PDZD2: variants seen among roughly 807,000 people sequenced by gnomAD.
PDZD2 encodes the protein PDZ domain containing 2.
A neutral mutation model predicts 220.7 loss-of-function variants in PDZD2; 90 were observed. That is an observed-to-expected ratio of 0.41 (90% confidence interval 0.34 to 0.49). The LOEUF (loss-of-function observed/expected upper bound fraction) is 0.49, where lower values mean the gene tolerates loss of function less well. Among genes scored for constraint, PDZD2 ranks in the 20% least tolerant of loss-of-function variants. The pLI is 0.28. For synonymous variants in PDZD2, 1,375 were observed against 1,450.5 expected, an observed-to-expected ratio of 0.95 and a Z score of 1.18; for missense variants, 3,174 against 3,608.5, an observed-to-expected ratio of 0.88 and a Z score of 3.08.
At chr5:31,846,232 C>T (rs1757581089) in intron 2 of PDZD2, among the ~76,000 whole-genome samples, 1 of 152,220 alleles carries the variant, frequency 6.6e-6, no homozygotes, top group Non-Finnish European at 1.5e-5. Context: ...ATCCCGGGTT[C>T]AAGTGATTCT....
At chr5:32,104,109 T>C (rs528242108) in intron 24 of PDZD2, among the ~76,000 whole-genome samples, 2 of 152,232 alleles carry the variant, frequency 1.3e-5, no homozygotes, top group South Asian at 4.2e-4. Context: ...CTAGTGAGAC[T>C]AAAGATGTCA....
intron 2 of PDZD2, among the ~76,000 whole-genome samples, chr5:31,825,140 T>A (rs1336724515): frequency 6.6e-6 from 1 of 152,088 alleles, no homozygotes; most frequent in Non-Finnish European, 1.5e-5. Context: ...TGACAACCAG[T>A]TTAATCTCCT....
At chr5:31,929,598 C>G (rs1745073837) in intron 2 of PDZD2, among the ~76,000 whole-genome samples, 1 of 152,186 alleles carries the variant, frequency 6.6e-6, no homozygotes, top group African/African-American at 2.4e-5. Context: ...GCCTGTAATC[C>G]CAGCACTTTG....
intron 1 of PDZD2, chr5:31,744,217 ATGT>A (rs1750445661): frequency 6.6e-6 from 1 of 152,108 alleles, no homozygotes. Flanking sequence ...CCCTGCTCTG[ATGT>A]TGTTTCCATT....
At chr5:31,900,874 C>A (rs1164066977) in intron 2 of PDZD2, among the ~76,000 whole-genome samples, 2 of 152,032 alleles carry the variant, frequency 1.3e-5, no homozygotes, top group Non-Finnish European at 2.9e-5. Context: ...AGGAGGAAAA[C>A]CCCATCGAAA....
intron 2 of PDZD2, among the ~76,000 whole-genome samples, chr5:31,862,741 T>C (rs1004863788): frequency 6.6e-6 from 1 of 152,028 alleles, no homozygotes; most frequent in African/African-American, 2.4e-5. Context: ...TTATATTTTT[T>C]TTCCAAGATG....
At chr5:32,034,664 G>A (rs1183987122) in intron 6 of PDZD2, among the ~76,000 whole-genome samples, 2 of 152,092 alleles carry the variant, frequency 1.3e-5, no homozygotes, top group African/African-American at 2.4e-5. Flanking sequence ...CTGGAACCAG[G>A]AATTTAACTC....
chr5:32,108,104 TATTA>T lies in PDZD2; in HGVS notation c.8494_8497del (p.Ile2832GlufsTer10). ...TCTGTCCCAGAAGGACCTGTGCAGT[TATTA>T]ATTAGAAAGCATAGGAATTCTTCAT... On this transcript the variant is annotated frameshift_variant, in exon 25 of 25. Coordinates refer to ENST00000438447, the MANE Select transcript of PDZD2 (RefSeq NM_178140.4). LOFTEE classifies it high-confidence loss of function. 6.2e-7 allele frequency: 1 copy of T among 1,607,374 alleles called. No individual in the cohort carries two copies. Among genetic ancestry groups the T allele is most frequent in the Non-Finnish European group, 8.5e-7 (1 of 1,175,830 alleles).
chr5:31,715,645 A>G (rs1748401293), intron 1 of PDZD2, among the ~76,000 whole-genome samples: 2 of 152,242 alleles, frequency 1.3e-5, no homozygotes, highest in Non-Finnish European at 2.9e-5. Flanking sequence ...GTTCACTAGA[A>G]AAGCCACTTA....
chr5:32,091,057 A>C lies in PDZD2; in HGVS notation c.7609A>C (p.Asn2537His), dbSNP rs778161736. The part of the protein sequence containing the change: ...GGVSCPEKGG[N>H]RACPGGSGPK... ...CGTTTCGTGTCCCGAGAAGGGCGGG[A>C]ACAGGGCCTGTCCAGGAGGAAGTGG... Residue 2537 changes from asparagine (N) to histidine (H), a missense_variant, in exon 20 of 25, where the codon AAC (asparagine) becomes CAC (histidine). This residue lies in a region of PDZD2 where 631 missense variants were observed against 789.9 expected (regional missense o/e 0.80). Transcript: ENST00000438447. The C allele has an allele frequency of 6.2e-7, 1 of 1,613,660 alleles. No individual in the cohort carries two copies. The highest frequency in any genetic ancestry group is 8.5e-7 in the Non-Finnish European group (1 of 1,179,722).
intron 2 of PDZD2, among the ~76,000 whole-genome samples, chr5:31,966,699 A>C (rs527330851): frequency 6.6e-6 from 1 of 152,344 alleles, no homozygotes; most frequent in African/African-American, 2.4e-5. Flanking sequence ...CCTATAAACC[A>C]AGAGGAAAAA....
intron 3 of PDZD2, 79 bp from the exon 4 acceptor site, chr5:31,995,497 A>G (rs1018922995): frequency 2.3e-5 from 34 of 1,457,032 alleles, no homozygotes; most frequent in Admixed American, 2.0e-4. Context: ...ATTCGGCCAG[A>G]CGTGACAGCT....
intron 18 of PDZD2, among the ~76,000 whole-genome samples, chr5:32,075,875 TTTTTG>T (rs773252212): frequency 2.8e-4 from 43 of 152,316 alleles, no homozygotes; most frequent in Non-Finnish European, 4.9e-4. Context: ...TTTAACCTTA[TTTTTG>T]TTTTAATAGA....
At chr5:32,069,164 G>T (rs561675619) in intron 14 of PDZD2, among the ~76,000 whole-genome samples, 1 of 151,708 alleles carries the variant, frequency 6.6e-6, no homozygotes, top group Non-Finnish European at 1.5e-5. Flanking sequence ...TACTTGGGAG[G>T]CTGAGGCAGG....
At chr5:31,841,037 G>A (rs28688986) in intron 2 of PDZD2, 66,778 of 305,460 alleles carry the variant, frequency 0.22, 7,826 homozygotes, top group Non-Finnish European at 0.24. Flanking sequence ...TTTGGTTTAC[G>A]TTTTAAAGTA....
At position 32,087,722 on chromosome 5, in the gene PDZD2, C is replaced by G; in HGVS notation, c.4274C>G (p.Thr1425Arg). Residue 1425 changes from threonine to arginine, a missense_variant, in exon 20 of 25, where the codon ACG becomes AGG. Around this residue, in one of 4 missense-constraint regions of PDZD2, gnomAD observed 1,861 missense variants for 2,001.0 expected, o/e 0.93. Transcript: ENST00000438447. This position sits in a 1 kb window ranked among gnomAD's most constrained non-coding sequence, Gnocchi z 4.0. ...GGGGGGAGTAGAGAGAGCCCTGTGACGGACATTGACAGCTTCATCAAGGAG... is the reference window on the plus strand; with the variant it reads ...GGGGGGAGTAGAGAGAGCCCTGTGAGGGACATTGACAGCTTCATCAAGGAG... ...CPGGSRESPV[T>R]DIDSFIKELD... The G allele has an allele frequency of 6.2e-7, 1 of 1,613,898 alleles. No individual in the cohort carries two copies. The highest frequency in any genetic ancestry group is 8.5e-7 in the Non-Finnish European group (1 of 1,179,862).
At chr5:31,768,191 G>T (rs1362177651) in intron 1 of PDZD2, among the ~76,000 whole-genome samples, 1 of 152,180 alleles carries the variant, frequency 6.6e-6, no homozygotes, top group Non-Finnish European at 1.5e-5. Context: ...TGTGGTTCAG[G>T]CAAACAGTTG....
At chr5:31,730,849 T>C (rs1288918841) in intron 1 of PDZD2, among the ~76,000 whole-genome samples, 1 of 152,168 alleles carries the variant, frequency 6.6e-6, no homozygotes, top group Admixed American at 6.5e-5. Flanking sequence ...GGTGGATATT[T>C]GGGTGATAGT....
chr5:31,865,940 T>C (rs1738193686), intron 2 of PDZD2, among the ~76,000 whole-genome samples: 1 of 150,928 alleles, frequency 6.6e-6, no homozygotes, highest in African/African-American at 2.4e-5. Context: ...CTTTTTTTTT[T>C]TTTTAATCCC....
Sources: allele counts gnomAD v4.1 joint callset (sites outside exome capture counted in the v4.1 genomes callset), GRCh38; gene constraint gnomAD v4.1.1; regional missense constraint gnomAD v4.1.1; non-coding constraint Gnocchi (gnomAD v3.1); transcripts MANE v1.5; gene names NCBI Gene and HGNC (gene_info 2026-07-23, HGNC 2026-07-21).